The following XNDC1N variants were observed in gnomAD, a reference collection of about 807,000 sequenced individuals.
XNDC1N encodes XRCC1 N-terminal domain containing 1, N-terminal like.
the XNDC1N span, among the ~76,000 whole-genome samples, chr11:71,879,699 C>T: frequency 6.6e-6 from 1 of 152,012 alleles, no homozygotes; most frequent in Non-Finnish European, 1.5e-5. Flanking sequence ...TTGTGCACCC[C>T]TCACCATTAT....
chr11:71,898,628 A>G, the XNDC1N span, among the ~76,000 whole-genome samples: 5 of 152,200 alleles, frequency 3.3e-5, no homozygotes, highest in African/African-American at 4.8e-5. Context: ...AATTAAATAC[A>G]GTATGATTCC....
At chr11:71,887,718 T>C in the XNDC1N span, among the ~76,000 whole-genome samples, 1 of 152,206 alleles carries the variant, frequency 6.6e-6, no homozygotes, top group African/African-American at 2.4e-5. Context: ...CTCCTGTCTG[T>C]TCCCAAGTCA....
At chr11:71,873,951 C>T in the XNDC1N span, among the ~76,000 whole-genome samples, 1 of 152,110 alleles carries the variant, frequency 6.6e-6, no homozygotes, top group Non-Finnish European at 1.5e-5. Flanking sequence ...AAGTTAGGGG[C>T]TCTCTCCAGA....
the XNDC1N span, among the ~76,000 whole-genome samples, chr11:71,921,763 T>C: frequency 6.6e-6 from 1 of 152,058 alleles, no homozygotes; most frequent in East Asian, 1.9e-4. Context: ...GACATACTTG[T>C]CCCCCTCTCC....
the XNDC1N span, chr11:71,917,384 A>G: frequency 1.6e-6 from 1 of 609,964 alleles, no homozygotes; most frequent in Non-Finnish European, 2.9e-6. Flanking sequence ...AGTTATATAT[A>G]AATATAAATA....
the XNDC1N span, among the ~76,000 whole-genome samples, chr11:71,913,208 C>T: frequency 1.3e-5 from 2 of 152,210 alleles, no homozygotes; most frequent in South Asian, 4.1e-4. Flanking sequence ...TCATATCATC[C>T]TCTCTCCCTG....
the XNDC1N span, among the ~76,000 whole-genome samples, chr11:71,899,828 GT>G: frequency 6.6e-6 from 1 of 152,214 alleles, no homozygotes; most frequent in South Asian, 2.1e-4. Flanking sequence ...AGGTGGATTA[GT>G]CAAAGAGGAA....
At chr11:71,898,364 TG>T in the XNDC1N span, among the ~76,000 whole-genome samples, 1 of 152,046 alleles carries the variant, frequency 6.6e-6, no homozygotes, top group Non-Finnish European at 1.5e-5. Flanking sequence ...CCCAGCACTT[TG>T]GGAGGCTGAG....
chr11:71,870,717 G>T, the XNDC1N span, among the ~76,000 whole-genome samples: 2 of 152,112 alleles, frequency 1.3e-5, no homozygotes, highest in Admixed American at 1.3e-4. Flanking sequence ...TAAAAAATGG[G>T]CATGGGAGGT....
the XNDC1N span, chr11:71,916,217 C>G: frequency 1.4e-6 from 1 of 702,716 alleles, no homozygotes; most frequent in Non-Finnish European, 2.6e-6. Context: ...CGAAGTCGAT[C>G]CCATAACTCT....
chr11:71,901,433 C>G, the XNDC1N span, among the ~76,000 whole-genome samples: 1 of 151,942 alleles, frequency 6.6e-6, no homozygotes, highest in Non-Finnish European at 1.5e-5. Flanking sequence ...CACGTCTCTA[C>G]TCAAAATAGA....
At chr11:71,905,450 G>C in the XNDC1N span, among the ~76,000 whole-genome samples, 7 of 151,338 alleles carry the variant, frequency 4.6e-5, no homozygotes, top group East Asian at 1.4e-3. Flanking sequence ...AATATAACAG[G>C]GTGTACAACC....
At chr11:71,876,056 G>A in the XNDC1N span, among the ~76,000 whole-genome samples, 4 of 151,890 alleles carry the variant, frequency 2.6e-5, no homozygotes, top group African/African-American at 7.2e-5. Context: ...AAAGAAAACC[G>A]GCATCAACAA....
chr11:71,887,232 C>T, the XNDC1N span, among the ~76,000 whole-genome samples: 6 of 152,330 alleles, frequency 3.9e-5, no homozygotes, highest in East Asian at 1.9e-4. Context: ...TTGACGTCAT[C>T]GGAGCCACGG....
chr11:71,884,770 C>A, the XNDC1N span: 39,380 of 786,560 alleles, frequency 0.05, 1,244 homozygotes, highest in Non-Finnish European at 0.063. Context: ...TCCACAGCCA[C>A]ATTGTTGTTT....
At chr11:71,868,677 G>T in the XNDC1N span, among the ~76,000 whole-genome samples, 1 of 152,118 alleles carries the variant, frequency 6.6e-6, no homozygotes, top group Non-Finnish European at 1.5e-5. Flanking sequence ...TCCCTTTGTG[G>T]GTTACCTGCT....
the XNDC1N span, among the ~76,000 whole-genome samples, chr11:71,900,187 T>C: frequency 6.6e-6 from 1 of 152,244 alleles, no homozygotes. Flanking sequence ...GCTAAAATAA[T>C]AAAAATAATA....
chr11:71,884,324 T>C, the XNDC1N span: 3 of 1,371,214 alleles, frequency 2.2e-6, no homozygotes, highest in Non-Finnish European at 2.9e-6. Flanking sequence ...GTAATGCTTT[T>C]AATTTATTAT....
At chr11:71,884,294 T>C in the XNDC1N span, 1 of 1,256,814 alleles carries the variant, frequency 8.0e-7, no homozygotes, top group Non-Finnish European at 1.0e-6. Context: ...CTGTTGTTTT[T>C]GTTTTTCTGG....
Sources: allele counts gnomAD v4.1 joint callset (sites outside exome capture counted in the v4.1 genomes callset), GRCh38; gene constraint gnomAD v4.1.1; transcripts MANE v1.5; gene names NCBI Gene and HGNC (gene_info 2026-07-23, HGNC 2026-07-21).